Variants in DAAM2 observed in about 807,000 individuals in gnomAD.
DAAM2 encodes dishevelled associated activator of morphogenesis 2.
DAAM2 carries 39 observed loss-of-function variants against 120.7 expected under a neutral mutation model. The ratio of observed to expected loss-of-function variants is 0.32; its 90% confidence interval spans 0.25 to 0.42. DAAM2 has a LOEUF of 0.42. Among genes scored for constraint, DAAM2 ranks in the 10% least tolerant of loss-of-function variants. DAAM2 has a pLI of 1.00. For missense variants in DAAM2, 1,283 were observed against 1,401.7 expected (o/e 0.92, Z 1.35); for synonymous variants, 488 against 524.9 (o/e 0.93, Z 0.96).
chr6:39,883,689 A>C, intron 14 of DAAM2: 4 of 358,814 alleles, frequency 1.1e-5, no homozygotes, highest in Non-Finnish European at 1.0e-5. Context: ...CTGCCTACCC[A>C]TCCCCCCAGC....
At chr6:39,895,451 T>G (rs3004064) in intron 19 of DAAM2, among the ~76,000 whole-genome samples, 90,006 of 151,456 alleles carry the variant, frequency 0.59, 27,040 homozygotes, top group African/African-American at 0.69. Flanking sequence ...ACCCAGGTTG[T>G]TCTCGAATGC....
chr6:39,804,522 C>CCGTGTG (rs34256990), intron 1 of DAAM2, among the ~76,000 whole-genome samples: 2 of 149,346 alleles, frequency 1.3e-5, no homozygotes, highest in South Asian at 4.3e-4. Flanking sequence ...GAGATCAGTT[C>CCGTGTG]TGTGTGTGTG....
chr6:39,836,323 AAAG>A (rs1288057085), intron 1 of DAAM2, among the ~76,000 whole-genome samples: 7 of 152,200 alleles, frequency 4.6e-5, no homozygotes, highest in South Asian at 2.1e-4. Context: ...CAGCCTTCTT[AAAG>A]AAGGCATCCC....
intron 1 of DAAM2, among the ~76,000 whole-genome samples, chr6:39,834,594 A>G (rs892660996): frequency 6.6e-6 from 1 of 152,198 alleles, no homozygotes; most frequent in African/African-American, 2.4e-5. Flanking sequence ...CTGGAGTTGA[A>G]AGGCGAAGGG....
At chr6:39,899,019 A>C in intron 22 of DAAM2, 82 bp downstream of exon 22, 5 of 1,179,704 alleles carry the variant, frequency 4.2e-6, no homozygotes, top group Non-Finnish European at 6.1e-6. Context: ...GCTCCTACAC[A>C]GGGGCAAAAA....
At chr6:39,867,433 G>C in intron 5 of DAAM2, 77 bp from the exon 6 acceptor site, 1 of 1,417,800 alleles carries the variant, frequency 7.1e-7, no homozygotes, top group Non-Finnish European at 9.8e-7. Flanking sequence ...GTGGTACACA[G>C]GTAAGGGGGT....
intron 19 of DAAM2, among the ~76,000 whole-genome samples, chr6:39,892,693 CAG>C (rs1236444363): frequency 6.6e-6 from 1 of 152,112 alleles, no homozygotes; most frequent in Non-Finnish European, 1.5e-5. Context: ...GGGGGCAGAA[CAG>C]AGCATGGGCA....
chr6:39,858,767 G>C (rs573074293), intron 2 of DAAM2, among the ~76,000 whole-genome samples: 88 of 152,244 alleles, frequency 5.8e-4, no homozygotes, highest in African/African-American at 1.9e-3. Context: ...GGAAACTGTT[G>C]GCCTAGGGGT....
At chr6:39,891,027 C>T (rs553186764) in intron 17 of DAAM2, among the ~76,000 whole-genome samples, 92 of 150,616 alleles carry the variant, frequency 6.1e-4, no homozygotes, top group African/African-American at 2.0e-3. Flanking sequence ...CAGGAGGTCA[C>T]GGCTGCAGTG....
chr6:39,802,085 G>A (rs576167699), intron 1 of DAAM2, among the ~76,000 whole-genome samples: 1 of 152,210 alleles, frequency 6.6e-6, no homozygotes, highest in African/African-American at 2.4e-5. Context: ...CCACCAGGAA[G>A]CATTGCACTA....
Position 39,864,431 on chromosome 6 carries a change from A to G in DAAM2, c.259-2A>G, listed in dbSNP as rs760157993. On this transcript the variant is annotated splice_acceptor_variant, in intron 3 of 24. Transcript: ENST00000274867. LOFTEE classifies it high-confidence loss of function. ...TCCATGCTGTCCTTTTTCTTGTTTC[A>G]GGAGCAGGAGGACCCCAACAAGCTG... 4.3e-6 allele frequency: 7 copies of G among 1,612,456 alleles called. No individual in the cohort carries two copies. Among genetic ancestry groups the G allele is most frequent in the Non-Finnish European group, 2.5e-6 (3 of 1,179,460 alleles).
At chr6:39,897,771 C>A (rs1414352311) in intron 21 of DAAM2, among the ~76,000 whole-genome samples, 1 of 152,076 alleles carries the variant, frequency 6.6e-6, no homozygotes, top group Non-Finnish European at 1.5e-5. Flanking sequence ...GAGCAAAGGG[C>A]CAGTCTGAGG....
At chr6:39,806,848 A>G (rs1457539374) in intron 1 of DAAM2, among the ~76,000 whole-genome samples, 7 of 127,878 alleles carry the variant, frequency 5.5e-5, no homozygotes, top group Non-Finnish European at 8.5e-5. Context: ...GGCAAAAAAA[A>G]AAAAAAAGAA....
intron 21 of DAAM2, 39 bp from the exon 22 acceptor site, chr6:39,898,838 T>G (rs1463796007): frequency 1.1e-5 from 17 of 1,568,698 alleles, no homozygotes; most frequent in East Asian, 4.5e-5. Flanking sequence ...AGGCGGGAGT[T>G]GATGGTCCTC....
At chr6:39,868,124 TA>T in intron 6 of DAAM2, 1 of 433,938 alleles carries the variant, frequency 2.3e-6, no homozygotes, top group Non-Finnish European at 4.2e-6. Context: ...TGGCCTGCAT[TA>T]TTTTTGTGGC....
chr6:39,797,295 A>C (rs1219449093), intron 1 of DAAM2, among the ~76,000 whole-genome samples: 2 of 152,256 alleles, frequency 1.3e-5, no homozygotes, highest in Non-Finnish European at 2.9e-5. Flanking sequence ...TAACATTAAA[A>C]TCTAATAATG....
At chr6:39,900,731 A>C (rs1323534491) in intron 23 of DAAM2, among the ~76,000 whole-genome samples, 3 of 111,264 alleles carry the variant, frequency 2.7e-5, no homozygotes, top group African/African-American at 1.2e-4. Context: ...ATCTGCTGCT[A>C]GTCCATGAAG....
chr6:39,814,633 C>G (rs1050419171), intron 1 of DAAM2, among the ~76,000 whole-genome samples: 1 of 152,262 alleles, frequency 6.6e-6, no homozygotes, highest in African/African-American at 2.4e-5. Flanking sequence ...TAGGCAGCTT[C>G]TAGTTCCATG....
At chr6:39,889,599 A>C (rs1348390207) in intron 17 of DAAM2, among the ~76,000 whole-genome samples, 1 of 152,200 alleles carries the variant, frequency 6.6e-6, no homozygotes, top group Non-Finnish European at 1.5e-5. Context: ...AATACACAAG[A>C]ATAAAGTTGA....
Sources: gnomAD v4.1 joint callset for allele counts (sites outside exome capture counted in the v4.1 genomes callset) on GRCh38, gnomAD v4.1.1 for gene constraint, MANE v1.5 for transcripts, NCBI Gene and HGNC (gene_info 2026-07-23, HGNC 2026-07-21) for gene names.